Variants in TSPAN19 observed in about 807,000 individuals in gnomAD.
The protein encoded by TSPAN19 is tetraspanin 19.
TSPAN19 carries 44 observed loss-of-function variants against 35.1 expected under a neutral mutation model. That is an observed-to-expected ratio of 1.25 (90% CI 0.98 to 1.61). TSPAN19 has a LOEUF of 1.61. Ranked by LOEUF, TSPAN19 falls within the 40% of genes most tolerant of loss-of-function variation. TSPAN19 has a pLI of 0.00. For missense variants in TSPAN19, 290 were observed against 280.0 expected (o/e 1.04, Z -0.26); for synonymous variants, 79 against 92.0 (o/e 0.86, Z 0.81).
At chr12:85,022,236 C>A (rs1877168330) in intron 5 of TSPAN19, among the ~76,000 whole-genome samples, 2 of 152,022 alleles carry the variant, frequency 1.3e-5, no homozygotes, top group Admixed American at 6.6e-5. Flanking sequence ...CACACACACA[C>A]ACACATACAT....
At chr12:85,016,026 A>G in intron 7 of TSPAN19, 55 bp from the exon 8 acceptor site, 1 of 1,078,914 alleles carries the variant, frequency 9.3e-7, no homozygotes, top group Non-Finnish European at 1.3e-6. Flanking sequence ...TCTTATACAT[A>G]AATCTTTACA....
At chr12:85,018,651 C>T (rs1458398251) in intron 6 of TSPAN19, among the ~76,000 whole-genome samples, 2 of 151,828 alleles carry the variant, frequency 1.3e-5, no homozygotes, top group Non-Finnish European at 2.9e-5. Context: ...AAATGTATTT[C>T]CGTTATCATA....
chr12:85,032,957 C>A (rs1482807807), intron 1 of TSPAN19, among the ~76,000 whole-genome samples: 1 of 152,072 alleles, frequency 6.6e-6, no homozygotes, highest in Non-Finnish European at 1.5e-5. Flanking sequence ...TATTATTTTG[C>A]ACTAGTTTAA....
chr12:85,019,359 C>T (rs546913449), intron 6 of TSPAN19, among the ~76,000 whole-genome samples: 2 of 151,876 alleles, frequency 1.3e-5, no homozygotes, highest in Admixed American at 6.6e-5. Context: ...GATAGACTAT[C>T]CCACTTGGCA....
chr12:85,017,356 ATTATTT>A, intron 7 of TSPAN19, 94 bp downstream of exon 7: 1 of 1,100,518 alleles, frequency 9.1e-7, no homozygotes, highest in Admixed American at 2.7e-5. Flanking sequence ...CGTCAACAAC[ATTATTT>A]TTATATAAAA....
chr12:85,031,204 T>A (rs1877669630), intron 1 of TSPAN19, among the ~76,000 whole-genome samples: 3 of 152,142 alleles, frequency 2.0e-5, no homozygotes, highest in African/African-American at 7.2e-5. Flanking sequence ...TCTCTTGCTG[T>A]CATTTGTTTT....
At position 85,019,554 on chromosome 12, in the gene TSPAN19, CCTGACCTATT is replaced by C. The variant is rs1186408910; in HGVS notation, c.450+62_450+71del. ...TTCATCCATCTGCCCCATCCCCTGC[CCTGACCTATT>C]CTCTCTTCTGTCCCACAGTGGTCAA... On this transcript the variant is annotated intron_variant, in intron 6 of 8. Coordinates refer to ENST00000532498, the MANE Select transcript of TSPAN19 (RefSeq NM_001100917.2). The C allele has an allele frequency of 1.7e-5, 16 of 954,998 alleles. No homozygotes were observed. In the East Asian group the frequency reaches 3.8e-4, roughly 22 times the overall value. The allele number at this position is 954,998 out of a possible 1,614,324, so 59.2% of individuals were successfully genotyped here.
chr12:85,019,560 C>T (rs1330558092), intron 6 of TSPAN19, 66 bp downstream of exon 6: 25 of 999,342 alleles, frequency 2.5e-5, no homozygotes, highest in Non-Finnish European at 3.1e-5. Context: ...CTGCCCTGAC[C>T]TATTCTCTCT....
At chr12:85,031,811 A>G (rs753964598) in intron 1 of TSPAN19, among the ~76,000 whole-genome samples, 42 of 152,096 alleles carry the variant, frequency 2.8e-4, no homozygotes, top group Non-Finnish European at 5.9e-4. Flanking sequence ...TTCCATTTAG[A>G]GTCCACCAGC....
intron 4 of TSPAN19, among the ~76,000 whole-genome samples, chr12:85,026,660 G>A (rs1251485702): frequency 6.6e-6 from 1 of 152,122 alleles, no homozygotes; most frequent in Non-Finnish European, 1.5e-5. Context: ...GGGGAGGTCT[G>A]ACTGCCTCAG....
intron 5 of TSPAN19, among the ~76,000 whole-genome samples, chr12:85,020,329 T>C (rs1183745057): frequency 1.7e-4 from 26 of 152,012 alleles, no homozygotes; most frequent in Admixed American, 1.7e-3. Flanking sequence ...ATGTCTTCTT[T>C]GGATTCTCCT....
chr12:85,032,003 G>A (rs1028638656), intron 1 of TSPAN19, among the ~76,000 whole-genome samples: 1 of 152,000 alleles, frequency 6.6e-6, no homozygotes, highest in Non-Finnish European at 1.5e-5. Context: ...CTTTACTGTG[G>A]AAAAGAATCA....
intron 1 of TSPAN19, among the ~76,000 whole-genome samples, chr12:85,035,601 C>T (rs186512537): frequency 6.6e-6 from 1 of 151,956 alleles, no homozygotes; most frequent in Admixed American, 6.6e-5. Flanking sequence ...ATAGCAGATA[C>T]CTTTTACAAT....
At chr12:85,020,987 A>G (rs1317599651) in intron 5 of TSPAN19, among the ~76,000 whole-genome samples, 1 of 152,038 alleles carries the variant, frequency 6.6e-6, no homozygotes, top group Non-Finnish European at 1.5e-5. Flanking sequence ...AAATGATCAG[A>G]TTTGGATGGG....
At chr12:85,023,668 C>T (rs1030531619) in intron 4 of TSPAN19, among the ~76,000 whole-genome samples, 2 of 152,042 alleles carry the variant, frequency 1.3e-5, no homozygotes, top group Non-Finnish European at 2.9e-5. Context: ...TCGATGATGC[C>T]ATCTTAATTC....
chr12:85,027,949 G>C lies in TSPAN19; in HGVS notation c.214C>G (p.Leu72Val). Reference sequence around the variant, plus strand: ...TTGTGAATTCCTATATAACCCAATAGACAAAAAAGAACAGTAGAAGATCCC... The same window carrying C: ...TTGTGAATTCCTATATAACCCAATACACAAAAAAGAACAGTAGAAGATCCC... ...GMGSSTVLFC[L>V]LGYIGIHNEI... The change falls in exon 4 of 9, where the codon CTA becomes GTA. Residue 72 changes from leucine to valine, a missense_variant. Transcript: ENST00000532498. 1 of 1,598,062 alleles carries C rather than the reference G, an allele frequency of 6.3e-7. No individual in the cohort carries two copies. The highest frequency in any genetic ancestry group is 8.5e-7 in the Non-Finnish European group (1 of 1,171,582).
intron 5 of TSPAN19, among the ~76,000 whole-genome samples, chr12:85,020,250 G>T (rs564817041): frequency 6.6e-6 from 1 of 151,214 alleles, no homozygotes. Flanking sequence ...CATTTTTCTC[G>T]GTGAAGGTAT....
intron 4 of TSPAN19, among the ~76,000 whole-genome samples, chr12:85,026,901 A>T (rs1040091546): frequency 6.6e-6 from 1 of 152,182 alleles, no homozygotes; most frequent in African/African-American, 2.4e-5. Flanking sequence ...GTCCAGGGTG[A>T]CTACCCAGAC....
At chr12:85,031,699 T>C (rs529591150) in intron 1 of TSPAN19, among the ~76,000 whole-genome samples, 76 of 152,150 alleles carry the variant, frequency 5.0e-4, no homozygotes, top group Non-Finnish European at 5.4e-4. Flanking sequence ...GCTTCCAAAT[T>C]GGCTCCAGGT....
Sources: allele counts gnomAD v4.1 joint callset (sites outside exome capture counted in the v4.1 genomes callset), GRCh38; gene constraint gnomAD v4.1.1; transcripts MANE v1.5; gene names NCBI Gene and HGNC (gene_info 2026-07-23, HGNC 2026-07-21).